The following TXNDC8 variants were observed in gnomAD, a reference collection of about 807,000 sequenced individuals.
TXNDC8 encodes thioredoxin domain-containing protein 8.
In TXNDC8, 15 loss-of-function variants were observed where a neutral mutation model predicts 12.9. The ratio of observed to expected loss-of-function variants is 1.16; its 90% CI spans 0.78 to 1.79. TXNDC8 has a LOEUF of 1.79. TXNDC8 is among the 40% of genes most tolerant of loss of function. TXNDC8 has a pLI of 0.00. For synonymous variants in TXNDC8, 40 were observed against 35.4 expected, an observed-to-expected ratio of 1.13 and a Z score of -0.46; for missense variants, 128 against 113.2, an observed-to-expected ratio of 1.13 and a Z score of -0.59.
At chr9:110,317,575 G>A (rs1838933355) in intron 3 of TXNDC8, among the ~76,000 whole-genome samples, 1 of 152,210 alleles carries the variant, frequency 6.6e-6, no homozygotes, top group Non-Finnish European at 1.5e-5. Context: ...GGGCTTGATA[G>A]TTGTGCAAAG....
intron 2 of TXNDC8, among the ~76,000 whole-genome samples, chr9:110,331,342 C>G (rs1337584067): frequency 1.3e-5 from 2 of 152,140 alleles, no homozygotes; most frequent in Non-Finnish European, 2.9e-5. Context: ...GACCGCTGCT[C>G]TGTTGGTGGT....
chr9:110,304,572 C>T (rs774464451), intron 3 of TXNDC8, 40 bp from the exon 5 acceptor site: 15 of 1,575,546 alleles, frequency 9.5e-6, no homozygotes, highest in African/African-American at 4.1e-5. Flanking sequence ...ATCTGAGTTG[C>T]CTGGTTTGTA....
intron 2 of TXNDC8, among the ~76,000 whole-genome samples, chr9:110,331,001 A>G (rs1421345648): frequency 2.0e-5 from 3 of 152,144 alleles, no homozygotes; most frequent in Non-Finnish European, 2.9e-5. Flanking sequence ...AATGTCTTGA[A>G]TTCTTTCCCT....
intron 1 of TXNDC8, among the ~76,000 whole-genome samples, chr9:110,334,684 G>T (rs1839680744): frequency 6.6e-6 from 1 of 152,194 alleles, no homozygotes; most frequent in African/African-American, 2.4e-5. Flanking sequence ...AAAAAGGTTG[G>T]TAATGGAAGT....
chr9:110,317,489 G>A (rs1174843406), intron 3 of TXNDC8, among the ~76,000 whole-genome samples: 2 of 152,198 alleles, frequency 1.3e-5, no homozygotes, highest in African/African-American at 4.8e-5. Context: ...CTGTCTTTCT[G>A]CACAACACAT....
At chr9:110,305,788 C>CT (rs1554700938) in intron 3 of TXNDC8, among the ~76,000 whole-genome samples, 3 of 90,614 alleles carry the variant, frequency 3.3e-5, no homozygotes, top group African/African-American at 7.7e-5. Context: ...CTTTTCTTTT[C>CT]TTTCTTTTCT....
At chr9:110,326,850 T>G (rs181345038) in intron 2 of TXNDC8, among the ~76,000 whole-genome samples, 1 of 151,538 alleles carries the variant, frequency 6.6e-6, no homozygotes, top group Admixed American at 6.6e-5. Context: ...CAAAAGAAAA[T>G]TAGTCACCCA....
At chr9:110,305,598 CTT>C (rs1838420109) in intron 3 of TXNDC8, among the ~76,000 whole-genome samples, 2 of 123,884 alleles carry the variant, frequency 1.6e-5, no homozygotes, top group African/African-American at 7.6e-5. Flanking sequence ...TTCTTTCTTT[CTT>C]TCTTTCTTTC....
At chr9:110,329,440 G>T in intron 2 of TXNDC8, 149 bp from the exon 3 acceptor site, 1 of 634,056 alleles carries the variant, frequency 1.6e-6, no homozygotes, top group Non-Finnish European at 2.7e-6. Flanking sequence ...ACAGCCTAGA[G>T]CCTGAAGCAT....
chr9:110,309,716 T>C (rs1469976376), intron 3 of TXNDC8, among the ~76,000 whole-genome samples: 1 of 152,134 alleles, frequency 6.6e-6, no homozygotes, highest in Non-Finnish European at 1.5e-5. Context: ...CTCTCAGAGA[T>C]AATAGACCTC....
chr9:110,316,071 T>C (rs1376751408), intron 3 of TXNDC8, among the ~76,000 whole-genome samples: 2 of 151,336 alleles, frequency 1.3e-5, no homozygotes, highest in African/African-American at 2.4e-5. Context: ...CTAATTTTTT[T>C]TTTTTGTATT....
intron 3 of TXNDC8, among the ~76,000 whole-genome samples, chr9:110,316,451 G>C (rs374691593): frequency 6.6e-6 from 1 of 152,012 alleles, no homozygotes; most frequent in Admixed American, 6.6e-5. Flanking sequence ...TCTGCATCAC[G>C]TTGCAGGTAT....
At chr9:110,329,958 C>A (rs766338380) in intron 2 of TXNDC8, among the ~76,000 whole-genome samples, 5 of 152,074 alleles carry the variant, frequency 3.3e-5, no homozygotes, top group Non-Finnish European at 7.4e-5. Flanking sequence ...CCTCCTACTT[C>A]TGTTTTGTTC....
chr9:110,310,103 G>T (rs1838607949), intron 3 of TXNDC8, among the ~76,000 whole-genome samples: 1 of 152,042 alleles, frequency 6.6e-6, no homozygotes, highest in South Asian at 2.1e-4. Flanking sequence ...TAAAATGGAA[G>T]TAATATGGTC....
chr9:110,316,253 T>G (rs992706245), intron 3 of TXNDC8, among the ~76,000 whole-genome samples: 1 of 152,122 alleles, frequency 6.6e-6, no homozygotes, highest in Admixed American at 6.5e-5. Context: ...TGATATTATA[T>G]TCTCTTTTTT....
intron 3 of TXNDC8, 45 bp downstream of exon 4, chr9:110,326,130 G>T (rs1407611573): frequency 3.1e-6 from 5 of 1,606,022 alleles, no homozygotes; most frequent in Non-Finnish European, 4.3e-6. Flanking sequence ...GACTCTGATG[G>T]TTCTATAATC....
At chr9:110,314,151 C>T (rs1485929750) in intron 3 of TXNDC8, among the ~76,000 whole-genome samples, 2 of 152,146 alleles carry the variant, frequency 1.3e-5, no homozygotes, top group Non-Finnish European at 2.9e-5. Context: ...TTTGGAGAGG[C>T]TAATCAGAAA....
At chr9:110,323,805 C>A in intron 3 of TXNDC8, 2 of 1,510,484 alleles carry the variant, frequency 1.3e-6, no homozygotes, top group Non-Finnish European at 1.8e-6. Context: ...TACATGGTGA[C>A]AAGCTGTAGT....
At chr9:110,327,703 T>C (rs143807948) in intron 2 of TXNDC8, among the ~76,000 whole-genome samples, 170 of 152,320 alleles carry the variant, frequency 1.1e-3, no homozygotes, top group African/African-American at 4.0e-3. Flanking sequence ...AGACCACATA[T>C]TCTATGATTC....
Sources: gnomAD v4.1 joint callset for allele counts (sites outside exome capture counted in the v4.1 genomes callset) on GRCh38, gnomAD v4.1.1 for gene constraint, MANE v1.5 for transcripts, NCBI Gene and HGNC (gene_info 2026-07-23, HGNC 2026-07-21) for gene names.